SULF1: variants seen among roughly 807,000 people sequenced by gnomAD.
SULF1 encodes extracellular sulfatase Sulf-1.
SULF1 carries 46 observed loss-of-function variants against 110.5 expected under a neutral mutation model. The ratio of observed to expected loss-of-function variants is 0.42; its 90% CI spans 0.33 to 0.53. The LOEUF (loss-of-function observed/expected upper bound fraction) is 0.53, where lower values mean the gene tolerates loss of function less well. Among genes scored for constraint, SULF1 ranks in the 20% least tolerant of loss-of-function variants. The pLI, the probability that SULF1 is intolerant of heterozygous loss-of-function variation, is 0.12. For synonymous variants in SULF1, 371 were observed against 387.1 expected (o/e 0.96, Z 0.49); for missense variants, 941 against 1,094.2 (o/e 0.86, Z 1.98).
chr8:69,527,509 G>A (rs1812781714), intron 3 of SULF1, among the ~76,000 whole-genome samples: 3 of 152,212 alleles, frequency 2.0e-5, no homozygotes, highest in East Asian at 3.9e-4. Context: ...CAAAGACAGA[G>A]GATGGTGGTG....
At chr8:69,538,711 G>A (rs974858933) in intron 3 of SULF1, among the ~76,000 whole-genome samples, 3 of 146,822 alleles carry the variant, frequency 2.0e-5, no homozygotes, top group Non-Finnish European at 4.5e-5. Flanking sequence ...TTGTTTTTTT[G>A]AGACGGAGTC....
intron 1 of SULF1, among the ~76,000 whole-genome samples, chr8:69,478,929 A>G (rs1250568102): frequency 6.6e-6 from 1 of 152,196 alleles, no homozygotes; most frequent in Non-Finnish European, 1.5e-5. Flanking sequence ...AGAACATTAT[A>G]TTTTAGTCAT....
intron 8 of SULF1, among the ~76,000 whole-genome samples, chr8:69,593,441 T>G (rs932438858): frequency 1.3e-5 from 2 of 152,214 alleles, no homozygotes; most frequent in African/African-American, 2.4e-5. Flanking sequence ...GTGAACACTT[T>G]CCTTTCGGTC....
At position 69,594,537 on chromosome 8, in the gene SULF1, G is replaced by A. The variant is rs150190014; in HGVS notation, c.734+5396G>A. Among the ~76,000 whole-genome samples, 1,126 of 152,188 alleles carry A rather than the reference G, an allele frequency of 7.4e-3. 9 individuals are homozygous for A. Among genetic ancestry groups the A allele is most frequent in the Non-Finnish European group, 7.9e-3 (536 of 68,006 alleles). ...GGGTAGAGCTTTTGAATAAACATAG[G>A]TTGTCAAAGGAAAAACTCCCTCTGT... On this transcript the variant is annotated intron_variant, in intron 8 of 22. Coordinates refer to ENST00000402687, the MANE Select transcript of SULF1 (RefSeq NM_001128205.2).
chr8:69,533,784 T>G (rs1160823970), intron 3 of SULF1, among the ~76,000 whole-genome samples: 1 of 152,188 alleles, frequency 6.6e-6, no homozygotes, highest in African/African-American at 2.4e-5. Context: ...AATGGGATTG[T>G]TGGATCAAAT....
At chr8:69,556,384 A>C (rs1815119396) in intron 3 of SULF1, among the ~76,000 whole-genome samples, 1 of 152,118 alleles carries the variant, frequency 6.6e-6, no homozygotes, top group Non-Finnish European at 1.5e-5. Flanking sequence ...TCTTGAGTTT[A>C]TTCTTCCCTT....
chr8:69,535,670 G>A (rs1479191451), intron 3 of SULF1, among the ~76,000 whole-genome samples: 1 of 152,112 alleles, frequency 6.6e-6, no homozygotes, highest in Non-Finnish European at 1.5e-5. Flanking sequence ...AGGAGAGCCA[G>A]TGGGGAGCAG....
At chr8:69,656,016 G>A (rs770700683) in intron 22 of SULF1, among the ~76,000 whole-genome samples, 2 of 152,194 alleles carry the variant, frequency 1.3e-5, no homozygotes, top group African/African-American at 2.4e-5. Context: ...CTGGAAGATT[G>A]CTGAAGAAGA....
chr8:69,577,693 GA>G (rs1441452687), intron 6 of SULF1, among the ~76,000 whole-genome samples: 1 of 152,166 alleles, frequency 6.6e-6, no homozygotes, highest in Non-Finnish European at 1.5e-5. Context: ...GGGCAAGAAA[GA>G]AGGGAACTCC....
chr8:69,576,013 T>C lies in SULF1; in HGVS notation c.216T>C (p.His72=). The change falls in exon 6 of 23, where the codon CAT becomes CAC. Residue 72 remains histidine, a synonymous_variant. Transcript: ENST00000402687. ...ACAAAACGAGAAAGATTATGGAACA[T>C]GGGGGGGCCACCTTCATCAATGCCT... The part of the protein sequence containing the change: ...VMNKTRKIME[H]GGATFINAFV... The C allele has an allele frequency of 6.2e-7, 1 of 1,613,972 alleles. No homozygotes were observed. The highest frequency in any genetic ancestry group is 8.5e-7 in the Non-Finnish European group (1 of 1,179,972).
At chr8:69,562,215 T>G (rs1815535306) in intron 3 of SULF1, among the ~76,000 whole-genome samples, 1 of 152,212 alleles carries the variant, frequency 6.6e-6, no homozygotes, top group Admixed American at 6.5e-5. Flanking sequence ...TCATAAAGTT[T>G]AAAATAATGG....
intron 3 of SULF1, chr8:69,563,323 A>G (rs939702807): frequency 2.6e-5 from 4 of 152,200 alleles, no homozygotes; most frequent in Non-Finnish European, 5.9e-5. Context: ...CCACCCTTTT[A>G]TGGAGCTGAT....
chr8:69,499,168 C>T (rs961429218), intron 2 of SULF1, among the ~76,000 whole-genome samples: 1 of 152,244 alleles, frequency 6.6e-6, no homozygotes, highest in Admixed American at 6.5e-5. Context: ...CCCAGACTTA[C>T]ATTATTATCT....
At chr8:69,535,364 A>G (rs1201646072) in intron 3 of SULF1, among the ~76,000 whole-genome samples, 5 of 152,192 alleles carry the variant, frequency 3.3e-5, no homozygotes, top group Admixed American at 3.3e-4. Flanking sequence ...GGCGTTGGGC[A>G]TTGATCAGCC....
At chr8:69,612,773 T>C (rs1187177047) in intron 13 of SULF1, among the ~76,000 whole-genome samples, 1 of 152,178 alleles carries the variant, frequency 6.6e-6, no homozygotes, top group South Asian at 2.1e-4. Context: ...GGATGCATAG[T>C]TTGCAAATAT....
At chr8:69,479,596 T>C (rs1809434036) in intron 1 of SULF1, among the ~76,000 whole-genome samples, 1 of 152,142 alleles carries the variant, frequency 6.6e-6, no homozygotes, top group African/African-American at 2.4e-5. Context: ...TTGCAGTGGA[T>C]TTTCCAGGAA....
chr8:69,616,165 CAT>C (rs1809111809), intron 13 of SULF1, among the ~76,000 whole-genome samples: 1 of 140,476 alleles, frequency 7.1e-6, no homozygotes. Context: ...TGTATATATA[CAT>C]ATATATGTGT....
At chr8:69,500,145 G>A (rs1300419047) in intron 2 of SULF1, among the ~76,000 whole-genome samples, 1 of 152,136 alleles carries the variant, frequency 6.6e-6, no homozygotes, top group African/African-American at 2.4e-5. Flanking sequence ...TCTTTTGATT[G>A]CAAATATGCA....
intron 18 of SULF1, among the ~76,000 whole-genome samples, chr8:69,629,107 A>G (rs1307551640): frequency 6.6e-6 from 1 of 152,076 alleles, no homozygotes; most frequent in African/African-American, 2.4e-5. Flanking sequence ...AATCTTGGCT[A>G]ACTACAACCT....
Sources: allele counts gnomAD v4.1 joint callset (sites outside exome capture counted in the v4.1 genomes callset), GRCh38; gene constraint gnomAD v4.1.1; transcripts MANE v1.5; gene names NCBI Gene and HGNC (gene_info 2026-07-23, HGNC 2026-07-21).